The following THUMPD2 variants were observed in gnomAD, a reference collection of about 807,000 sequenced individuals.
THUMPD2 encodes THUMP domain 2 tRNA and snRNA guanosine methyltransferase.
A neutral mutation model predicts 49.4 loss-of-function variants in THUMPD2; 56 were observed. The observed-to-expected ratio is 1.13, with a 90% CI of 0.91 to 1.41. The LOEUF is 1.41. Among genes scored for constraint, THUMPD2 ranks in the 40% most tolerant of loss-of-function variants. The probability of loss-of-function intolerance (pLI) is 0.00; values close to 1 mark genes in which losing one functional copy is unlikely to be tolerated. For synonymous variants in THUMPD2, 237 were observed against 205.2 expected (o/e 1.15, Z -1.32); for missense variants, 709 against 594.5 (o/e 1.19, Z -2.00).
chr2:39,763,305 A>C (rs1187159958), intron 5 of THUMPD2, among the ~76,000 whole-genome samples: 1 of 152,060 alleles, frequency 6.6e-6, no homozygotes, highest in African/African-American at 2.4e-5. Context: ...GTGGAAGATA[A>C]GTAGTGCAAA....
chr2:39,758,336 A>G (rs1676395928), intron 6 of THUMPD2, among the ~76,000 whole-genome samples: 1 of 152,192 alleles, frequency 6.6e-6, no homozygotes, highest in Non-Finnish European at 1.5e-5. Context: ...GTAATCTGAA[A>G]GAGGCTCCCT....
chr2:39,771,600 G>C lies in THUMPD2; in HGVS notation c.167C>G (p.Ser56Cys). Reference protein sequence around the residue: ...ISGKVFFTTCSDLNMLKKLKS... With the variant: ...ISGKVFFTTCCDLNMLKKLKS... ...TAATTTCTTCAACATATTCAAATCA[G>C]AACAGGTGGTGAAAAAAACCTTTCC... The change falls in exon 2 of 10, where the codon TCT becomes TGT. Residue 56 changes from serine to cysteine, a missense_variant. Transcript: ENST00000505747. 6.2e-7 allele frequency: 1 copy of C among 1,602,668 alleles called. No homozygotes were observed. The highest frequency in any genetic ancestry group is 1.1e-5 in the South Asian group (1 of 87,820).
intron 4 of THUMPD2, 165 bp from the exon 5 acceptor site, chr2:39,766,274 T>C (rs1677505306): frequency 2.1e-6 from 1 of 474,616 alleles, no homozygotes; most frequent in South Asian, 5.0e-5. Flanking sequence ...TTTTTTTTTC[T>C]TAAGCAGAAG....
chr2:39,779,166 C>A lies in THUMPD2; in HGVS notation c.74G>T (p.Gly25Val). ...CTCTCGCATTACGAACGGCTCCAGG[C>A]CGCGACCCGCAGTGCAGAAGAATCG... The part of the protein sequence containing the change: ...GARFFCTAGR[G>V]LEPFVMREVR... The change falls in exon 1 of 10, where the codon GGC becomes GTC. Residue 25 changes from glycine (G) to valine (V), a missense_variant. Physicochemically the swap from Gly to Val is moderately radical, Grantham distance 109. Coordinates refer to ENST00000505747, the MANE Select transcript of THUMPD2 (RefSeq NM_025264.5). The A allele has an allele frequency of 6.6e-7, 1 of 1,520,992 alleles. No homozygotes were observed. Among genetic ancestry groups the A allele is most frequent in the South Asian group, 1.2e-5 (1 of 81,740 alleles). The allele number at this position is 1,520,992 out of a possible 1,614,324, so 94.2% of individuals were successfully genotyped here.
At chr2:39,756,542 A>G (rs949094812) in intron 6 of THUMPD2, among the ~76,000 whole-genome samples, 1 of 151,168 alleles carries the variant, frequency 6.6e-6, no homozygotes, top group Non-Finnish European at 1.5e-5. Flanking sequence ...GCTGTGAAGG[A>G]GGGATGAGCA....
intron 5 of THUMPD2, among the ~76,000 whole-genome samples, chr2:39,765,211 G>C (rs1380138956): frequency 6.6e-6 from 1 of 152,118 alleles, no homozygotes; most frequent in Non-Finnish European, 1.5e-5. Flanking sequence ...CCACGCTGGA[G>C]TGCAATGGCA....
intron 1 of THUMPD2, among the ~76,000 whole-genome samples, chr2:39,773,223 A>G (rs1488426711): frequency 6.6e-6 from 1 of 152,180 alleles, no homozygotes; most frequent in Non-Finnish European, 1.5e-5. Context: ...GTAAATTATC[A>G]AAAATTCAGA....
intron 4 of THUMPD2, among the ~76,000 whole-genome samples, chr2:39,766,799 A>T (rs1677577795): frequency 6.6e-6 from 1 of 152,206 alleles, no homozygotes; most frequent in African/African-American, 2.4e-5. Context: ...TTAACAGCTT[A>T]ATCAGAATTA....
chr2:39,779,045 G>T, intron 1 of THUMPD2, 69 bp downstream of exon 1: 1 of 1,380,756 alleles, frequency 7.2e-7, no homozygotes, highest in South Asian at 1.6e-5. Flanking sequence ...CCGCGTCCAC[G>T]ACTGGGGTGG....
chr2:39,756,920 A>G (rs1261645227), intron 6 of THUMPD2, among the ~76,000 whole-genome samples: 1 of 147,226 alleles, frequency 6.8e-6, no homozygotes, highest in Non-Finnish European at 1.5e-5. Flanking sequence ...TAATAATAAT[A>G]ATAATAATAA....
intron 1 of THUMPD2, among the ~76,000 whole-genome samples, chr2:39,777,339 C>G (rs796493622): frequency 4.6e-5 from 7 of 152,326 alleles, no homozygotes; most frequent in African/African-American, 1.7e-4. Context: ...ACCATACGTA[C>G]TCTACCGTGG....
intron 6 of THUMPD2, among the ~76,000 whole-genome samples, chr2:39,759,648 A>C (rs1676563097): frequency 6.6e-6 from 1 of 152,204 alleles, no homozygotes; most frequent in African/African-American, 2.4e-5. Context: ...AACACCTTAC[A>C]AGTTTCCAAA....
intron 4 of THUMPD2, 37 bp downstream of exon 4, chr2:39,768,387 G>C (rs1677839838): frequency 6.7e-7 from 1 of 1,492,806 alleles, no homozygotes; most frequent in African/African-American, 1.4e-5. Context: ...TAAAGAATTA[G>C]GTTACAAGTA....
chr2:39,739,594 C>T (rs533653466), intron 9 of THUMPD2, among the ~76,000 whole-genome samples: 3 of 152,310 alleles, frequency 2.0e-5, no homozygotes, highest in African/African-American at 4.8e-5. Context: ...CCTTGCCTGT[C>T]GTATTCACTG....
At chr2:39,759,512 C>T (rs144602643) in intron 6 of THUMPD2, among the ~76,000 whole-genome samples, 78 of 151,820 alleles carry the variant, frequency 5.1e-4, no homozygotes, top group Admixed American at 2.3e-3. Flanking sequence ...TTAAGTATTC[C>T]GCCCAAAGCT....
At chr2:39,774,748 G>C (rs1678843763) in intron 1 of THUMPD2, among the ~76,000 whole-genome samples, 1 of 151,874 alleles carries the variant, frequency 6.6e-6, no homozygotes, top group Admixed American at 6.6e-5. Context: ...TAAGGCATTT[G>C]GAATATTTCA....
chr2:39,744,649 AATG>A, intron 8 of THUMPD2, 171 bp from the exon 9 acceptor site: 3 of 453,336 alleles, frequency 6.6e-6, no homozygotes, highest in Non-Finnish European at 1.2e-5. Context: ...CACAATCACT[AATG>A]ATAAATGATA....
chr2:39,771,736 T>C (rs1264860735), intron 1 of THUMPD2, 96 bp from the exon 2 acceptor site: 5 of 1,273,028 alleles, frequency 3.9e-6, no homozygotes, highest in Non-Finnish European at 5.4e-6. Context: ...AAAATAAAAA[T>C]AACCATTTCT....
rs1435762616 is a variant in THUMPD2, at chr2:39,736,898, G to A, written c.1349C>T (p.Ala450Val). The A allele has an allele frequency of 2.5e-6, 4 of 1,614,050 alleles. No homozygotes were observed. Among genetic ancestry groups the A allele is most frequent in the Non-Finnish European group, 3.4e-6 (4 of 1,180,018 alleles). ...GAATGAAGTTGACGCTGTCTTGAAT[G>A]CACCAGTTTTTTCTTCAGGATTCAA... ...KCLNPEEKTG[A>V]FKTASTSFEA... Residue 450 changes from alanine (A) to valine (V), a missense_variant, in exon 10 of 10, where the codon GCA (alanine) becomes GTA (valine). By Grantham distance (64) the Ala-to-Val change is moderately conservative. Coordinates refer to ENST00000505747, the MANE Select transcript of THUMPD2 (RefSeq NM_025264.5).
Sources: gnomAD v4.1 joint callset for allele counts (sites outside exome capture counted in the v4.1 genomes callset) on GRCh38, gnomAD v4.1.1 for gene constraint, MANE v1.5 for transcripts, NCBI Gene and HGNC (gene_info 2026-07-23, HGNC 2026-07-21) for gene names.